Variants in CXorf58 observed in about 807,000 individuals in gnomAD.
CXorf58 encodes the protein uncharacterized protein CXorf58.
A neutral mutation model predicts 26.0 loss-of-function variants in CXorf58; 24 were observed. That is an observed-to-expected ratio of 0.92 (90% CI 0.67 to 1.30). CXorf58 has a LOEUF of 1.30. CXorf58 is among the 50% of genes most tolerant of loss of function. The pLI, the probability that CXorf58 is intolerant of heterozygous loss-of-function variation, is 0.00. For synonymous variants in CXorf58, 87 were observed against 86.1 expected (o/e 1.01, Z -0.06); for missense variants, 236 against 263.9 (o/e 0.89, Z 0.73).
intron 3 of CXorf58, among the ~76,000 whole-genome samples, 161 bp downstream of exon 3, chrX:23,912,017 T>C (rs1372253491): frequency 9.4e-6 from 1 of 106,325 alleles, no homozygotes; most frequent in Non-Finnish European, 1.9e-5. Flanking sequence ...AGTGGCACAA[T>C]CTTGGCTCAC....
At chrX:23,928,776 C>T (rs1928080951) in intron 6 of CXorf58, among the ~76,000 whole-genome samples, 1 of 111,265 alleles carries the variant, frequency 9.0e-6, no homozygotes, top group Non-Finnish European at 1.9e-5. Flanking sequence ...CCAGCCATTC[C>T]ATTATCTCTC....
At chrX:23,921,760 G>A (rs959529981) in intron 5 of CXorf58, among the ~76,000 whole-genome samples, 2 of 110,638 alleles carry the variant, frequency 1.8e-5, no homozygotes, top group Non-Finnish European at 1.9e-5. Flanking sequence ...GCACCATCTC[G>A]CAATCTTGGC....
At position 23,932,793 on chromosome X, in the gene CXorf58, G is replaced by A. The variant is rs996348522; in HGVS notation, c.556-2403G>A. ...GTGGATCACTTGAGGTCAGGAGTTC[G>A]AGACCAGCCTGGCCAACATGATGAA... On this transcript the variant is annotated intron_variant, in intron 6 of 8. Coordinates refer to ENST00000379211, the MANE Select transcript of CXorf58 (RefSeq NM_152761.3). 4.5e-5 allele frequency among the ~76,000 whole-genome samples: 5 copies of A among 111,272 alleles called. No individual in the cohort carries two copies. The East Asian group carries it at 1.1e-3, about 25-fold the overall frequency.
chrX:23,929,793 C>T (rs905407629), intron 6 of CXorf58, among the ~76,000 whole-genome samples: 4 of 112,487 alleles, frequency 3.6e-5, no homozygotes, highest in Non-Finnish European at 7.5e-5. Flanking sequence ...AAGTCAATGC[C>T]TGGCTTCAAA....
rs375112667 is a variant in CXorf58 at position 23,927,309 on chromosome X, T to A, written c.494T>A (p.Ile165Asn). Residue 165 changes from isoleucine (I) to asparagine (N), a missense_variant, in exon 6 of 9, where the codon ATT (isoleucine) becomes AAT (asparagine). Coordinates refer to ENST00000379211, the MANE Select transcript of CXorf58 (RefSeq NM_152761.3). ...FHRIIMEDERIFPKSKVTDIM... is the reference protein window; with the variant it reads ...FHRIIMEDERNFPKSKVTDIM... ...CGTATAATTATGGAAGATGAACGTA[T>A]TTTCCCGAAGTCCAAAGTAACTGAT... 3.2e-5 allele frequency: 38 copies of A among 1,170,340 alleles called. No homozygotes were observed. Among genetic ancestry groups the A allele is most frequent in the Non-Finnish European group, 3.8e-5 (33 of 867,203 alleles).
intron 7 of CXorf58, among the ~76,000 whole-genome samples, chrX:23,936,098 G>A (rs1928290809): frequency 9.0e-6 from 1 of 110,525 alleles, no homozygotes. Flanking sequence ...GTGGACATGA[G>A]AGGCAGTGCG....
At chrX:23,913,298 C>T (rs188008867) in intron 3 of CXorf58, among the ~76,000 whole-genome samples, 76 of 110,364 alleles carry the variant, frequency 6.9e-4, no homozygotes, top group African/African-American at 2.2e-3. Context: ...ATCCTGCCTC[C>T]GCCTCCCTAG....
chrX:23,915,347 T>C (rs1291916559), intron 3 of CXorf58, among the ~76,000 whole-genome samples: 1 of 111,962 alleles, frequency 8.9e-6, no homozygotes, highest in Non-Finnish European at 1.9e-5. Context: ...GCTAGGAATA[T>C]AGTGGTAAAG....
chrX:23,934,447 C>T (rs1928241708), intron 6 of CXorf58, among the ~76,000 whole-genome samples: 1 of 111,598 alleles, frequency 9.0e-6, no homozygotes, highest in East Asian at 2.8e-4. Context: ...GTTGCCCCGG[C>T]TGGAGTGCAG....
At chrX:23,936,075 G>T (rs1928289959) in intron 7 of CXorf58, among the ~76,000 whole-genome samples, 1 of 110,927 alleles carries the variant, frequency 9.0e-6, no homozygotes, top group African/African-American at 3.3e-5. Flanking sequence ...CCGGCCGCAT[G>T]GTTGCCTTTT....
In CXorf58 at chrX:23,911,799, G is replaced by A; in HGVS notation, c.159G>A (p.Trp53Ter). 8.3e-7 allele frequency: 1 copy of A among 1,203,076 alleles called. No homozygotes were observed. The highest frequency in any genetic ancestry group is 1.1e-6 in the Non-Finnish European group (1 of 889,789). Residue 53 changes from tryptophan to a stop codon, truncating the protein, a stop_gained, in exon 3 of 9, where the codon TGG (tryptophan) becomes TGA (stop). Coordinates refer to ENST00000379211, the MANE Select transcript of CXorf58 (RefSeq NM_152761.3). LOFTEE classifies it high-confidence loss of function. ...CAGCTCAAATAATACAGAGGGCTTG[G>A]TTATCTCATACAAACAAAATGATAT... ...DISAQIIQRA[W>*]LSHTNKMIFR...
At position 23,910,381 on chromosome X, in the gene CXorf58, CA is replaced by C. The variant is rs1927543730; in HGVS notation, c.80del (p.His27LeufsTer22). ...ATCCTTACAAAAAGTTCGCAGAGTA[CA>C]TTTCGCAAATGCACGAAATGCAAGA... ...TRSLQKVRRV[H>X]FANARNARSL... On this transcript the variant is annotated frameshift_variant, in exon 2 of 9. Transcript: ENST00000379211. LOFTEE classifies it high-confidence loss of function. The C allele has an allele frequency of 8.5e-7, 1 of 1,180,000 alleles. No individual in the cohort carries two copies. Among genetic ancestry groups the C allele is most frequent in the Non-Finnish European group, 1.1e-6 (1 of 869,963 alleles).
chrX:23,920,670 T>A (rs745829405), intron 5 of CXorf58, among the ~76,000 whole-genome samples: 2 of 111,330 alleles, frequency 1.8e-5, no homozygotes, highest in Admixed American at 9.6e-5. Flanking sequence ...GGCGGGAGGA[T>A]AACCTGAGGT....
intron 5 of CXorf58, among the ~76,000 whole-genome samples, chrX:23,923,885 T>G (rs920858408): frequency 2.8e-5 from 3 of 108,792 alleles, no homozygotes; most frequent in African/African-American, 6.7e-5. Context: ...CTGGCCAACA[T>G]AGTGAAACCC....
intron 5 of CXorf58, among the ~76,000 whole-genome samples, chrX:23,923,024 G>C (rs894881997): frequency 3.6e-5 from 4 of 112,065 alleles, no homozygotes; most frequent in African/African-American, 1.3e-4. Flanking sequence ...ATCCTACCCT[G>C]ATTGGCTGGT....
chrX:23,914,919 G>T (rs771941879), intron 3 of CXorf58, among the ~76,000 whole-genome samples: 2 of 110,986 alleles, frequency 1.8e-5, no homozygotes, highest in Non-Finnish European at 1.9e-5. Context: ...CGGCTCACAA[G>T]GTCAGGAGTT....
At chrX:23,920,749 G>A (rs1414085161) in intron 5 of CXorf58, among the ~76,000 whole-genome samples, 30 of 108,017 alleles carry the variant, frequency 2.8e-4, no homozygotes, top group African/African-American at 1.0e-3. Flanking sequence ...AAATTAGCCG[G>A]GTGTGGTGGT....
intron 6 of CXorf58, among the ~76,000 whole-genome samples, chrX:23,930,209 A>AAG (rs1212426146): frequency 1.9e-5 from 2 of 107,227 alleles, no homozygotes; most frequent in African/African-American, 6.8e-5. Context: ...AAAAAAAAAA[A>AAG]AAAAAAAAGA....
rs984100716 is a variant in CXorf58 at position 23,915,716 on chromosome X, A to C, written c.233A>C (p.His78Pro). 4.2e-6 allele frequency: 5 copies of C among 1,185,062 alleles called. No homozygotes were observed. The highest frequency in any genetic ancestry group is 5.7e-6 in the Non-Finnish European group (5 of 871,744). The stretch of plus-strand genomic sequence containing the variant: ...TTATTTCAGGAATTCTATGTAACAC[A>C]TGAAATACTGAAGAAAGTGGCCCCC... ...AICAAEFYVT[H>P]EILKKVAPLE... Residue 78 changes from histidine to proline, a missense_variant, in exon 4 of 9, where the codon CAT (histidine) becomes CCT (proline). His to Pro is a moderately conservative substitution (Grantham distance 77). Transcript: ENST00000379211.
Sources: allele counts gnomAD v4.1 joint callset (sites outside exome capture counted in the v4.1 genomes callset), GRCh38; gene constraint gnomAD v4.1.1; transcripts MANE v1.5; gene names NCBI Gene and HGNC (gene_info 2026-07-23, HGNC 2026-07-21).